Variants in DHX8 observed in about 807,000 individuals in gnomAD.
DHX8 encodes the protein DEAH-box helicase 8.
Under a neutral mutation model 140.7 loss-of-function variants are expected in DHX8, and 67 were observed. The observed-to-expected ratio is 0.48, with a 90% CI of 0.39 to 0.58. DHX8 has a LOEUF of 0.58. Among genes scored for constraint, DHX8 ranks in the 20% least tolerant of loss-of-function variants. The probability of loss-of-function intolerance (pLI) is 0.00; values close to 1 mark genes in which losing one functional copy is unlikely to be tolerated. For synonymous variants in DHX8, 533 were observed against 553.2 expected, an observed-to-expected ratio of 0.96 and a Z score of 0.51; for missense variants, 887 against 1,550.7, an observed-to-expected ratio of 0.57 and a Z score of 7.19.
At chr17:43,508,574 C>A (rs892428921) in intron 16 of DHX8, 54 bp downstream of exon 16, 103 of 1,257,004 alleles carry the variant, frequency 8.2e-5, no homozygotes, top group Non-Finnish European at 1.1e-4. Flanking sequence ...GTGTTGTGTG[C>A]AGCCTGTCAG....
At chr17:43,532,585 T>C in intron 2 of DHX8, 2 of 1,230,762 alleles carry the variant, frequency 1.6e-6, no homozygotes, top group Non-Finnish European at 2.3e-6. Flanking sequence ...TATGAAATGG[T>C]AAACAGCAAT....
At position 43,508,439 on chromosome 17, in the gene DHX8, A is replaced by G; in HGVS notation, c.2421A>G (p.Leu807=). The change falls in exon 16 of 23, where the codon TTA becomes TTG. Residue 807 remains leucine (L), a synonymous_variant. Coordinates refer to ENST00000262415, the MANE Select transcript of DHX8 (RefSeq NM_004941.3). ...MKSLGPDVPE[L]IILPVYSALP... is the part of the protein sequence containing the mutation. ...CCCTGGGACCTGATGTTCCAGAGTT[A>G]ATTATCCTCCCAGTGTACTCTGCTC... is the stretch of plus-strand genomic sequence containing the variant. 1 of 1,613,834 alleles carries G rather than the reference A, an allele frequency of 6.2e-7. No homozygotes were observed. The highest frequency in any genetic ancestry group is 8.5e-7 in the Non-Finnish European group (1 of 1,179,888).
chr17:43,504,713 A>G lies in DHX8; in HGVS notation c.1616A>G (p.Lys539Arg). The change falls in exon 12 of 23, where the codon AAG becomes AGG. Residue 539 changes from lysine (K) to arginine (R), a missense_variant. Physicochemically the swap from Lys to Arg is conservative, Grantham distance 26. Transcript: ENST00000262415. Reference sequence around the variant, plus strand: ...ATGCCCAATGATATTCCTGAGTGGAAGAAGCATGCCTTTGGGGGCAACAAA... The same window carrying G: ...ATGCCCAATGATATTCCTGAGTGGAGGAAGCATGCCTTTGGGGGCAACAAA... ...GMMPNDIPEW[K>R]KHAFGGNKAS... The G allele has an allele frequency of 6.2e-7, 1 of 1,614,194 alleles. No homozygotes were observed. Among genetic ancestry groups the G allele is most frequent in the Non-Finnish European group, 8.5e-7 (1 of 1,180,038 alleles).
intron 2 of DHX8, among the ~76,000 whole-genome samples, chr17:43,534,336 A>C (rs1483282926): frequency 6.6e-6 from 1 of 150,784 alleles, no homozygotes; most frequent in Non-Finnish European, 1.5e-5. Context: ...CTAAAAATAC[A>C]AAAAAAAATT....
intron 3 of DHX8, chr17:43,544,144 T>C (rs1223149222): frequency 3.9e-5 from 6 of 152,220 alleles, no homozygotes; most frequent in Admixed American, 3.9e-4. Flanking sequence ...AAACCACCAT[T>C]TTCCCTCCCA....
Position 43,504,833 on chromosome 17 carries a change from G to A in DHX8, c.1728+8G>A. ...AAGGAGCAATTGGTCCAGGTGAGAA[G>A]ACTTTTATGATGTATTGGTGGGGAG... is the stretch of plus-strand genomic sequence containing the variant. On this transcript the variant is annotated splice_region_variant and intron_variant, in intron 12 of 22. Transcript: ENST00000262415. 2 of 1,610,080 alleles carry A rather than the reference G, an allele frequency of 1.2e-6. No individual in the cohort carries two copies. Among genetic ancestry groups the A allele is most frequent in the South Asian group, 2.2e-5 (2 of 90,492 alleles).
chr17:43,492,142 G>A (rs1423727566), intron 4 of DHX8, 41 bp from the exon 5 acceptor site: 10 of 1,389,020 alleles, frequency 7.2e-6, no homozygotes, highest in Non-Finnish European at 8.2e-6. Flanking sequence ...AGATTCTTGA[G>A]TAGTTTTTTT....
At chr17:43,534,601 G>A (rs1338400775) in intron 2 of DHX8, among the ~76,000 whole-genome samples, 1 of 152,206 alleles carries the variant, frequency 6.6e-6, no homozygotes, top group East Asian at 1.9e-4. Flanking sequence ...TGAGTGCCCT[G>A]GAAAATTCCA....
At chr17:43,495,083 G>A (rs550185491) in intron 8 of DHX8, among the ~76,000 whole-genome samples, 2 of 151,820 alleles carry the variant, frequency 1.3e-5, no homozygotes, top group East Asian at 3.9e-4. Flanking sequence ...CAAAGTGCTG[G>A]GATTACAGGC....
downstream of DHX8, chr17:43,529,912 A>G (rs2154587033): frequency 2.5e-6 from 4 of 1,614,136 alleles, no homozygotes; most frequent in East Asian, 8.9e-5. Context: ...CAACGCAGAC[A>G]TCATCTGGGA....
At position 43,525,395 on chromosome 17, in the gene DHX8, G is replaced by A. The variant is rs187057589; in HGVS notation, c.*1548G>A. 1,132 of 981,608 alleles carry A rather than the reference G, an allele frequency of 1.2e-3. 1 individual carries two copies. Among genetic ancestry groups the A allele is most frequent in the Admixed American group, 4.7e-3 (76 of 16,282 alleles). The allele number at this position is 981,608 out of a possible 1,614,324, so 60.8% of individuals were successfully genotyped here. A position where few individuals can be genotyped will look rare whatever the true frequency, so the allele number is the denominator to read the frequency against. Reference sequence around the variant, plus strand: ...CCACACCCTAAAGACAATTCAGAAAGAGTCCGAGGGAGAGGAATATAGGCC... The same window carrying A: ...CCACACCCTAAAGACAATTCAGAAAAAGTCCGAGGGAGAGGAATATAGGCC... On this transcript the variant is annotated 3_prime_UTR_variant, in exon 23 of 23. Coordinates refer to ENST00000262415, the MANE Select transcript of DHX8 (RefSeq NM_004941.3).
At chr17:43,536,505 T>G in intron 3 of DHX8, 1 of 1,613,154 alleles carries the variant, frequency 6.2e-7, no homozygotes, top group Non-Finnish European at 8.5e-7. Context: ...AGAGGTGAGT[T>G]TGGGGCGGAG....
chr17:43,507,083 G>T lies in DHX8; in HGVS notation c.1809G>T (p.Ala603=). ...CAACACAGATCACCCAGTACCTGGC[G>T]GAGGCAGGCTACACTTCCAGGGGCA... ...GKTTQITQYL[A]EAGYTSRGKI... Residue 603 remains alanine (A), a synonymous_variant, in exon 13 of 23, where the codon GCG becomes GCT. Transcript: ENST00000262415. The T allele has an allele frequency of 6.2e-7, 1 of 1,614,006 alleles. No homozygotes were observed.
chr17:43,537,017 T>C (rs901912531), intron 3 of DHX8, among the ~76,000 whole-genome samples: 4 of 152,204 alleles, frequency 2.6e-5, no homozygotes, highest in Non-Finnish European at 4.4e-5. Context: ...CTCACAACAG[T>C]CATATCTAGG....
At chr17:43,508,813 G>T (rs559765843) in intron 16 of DHX8, among the ~76,000 whole-genome samples, 1 of 151,950 alleles carries the variant, frequency 6.6e-6, no homozygotes, top group Non-Finnish European at 1.5e-5. Context: ...TAGAGACGGG[G>T]TTTCACCGTG....
In DHX8 at chr17:43,490,374, T is replaced by A. The variant is rs968380022; in HGVS notation, c.235-17T>A. On this transcript the variant is annotated splice_polypyrimidine_tract_variant and intron_variant, in intron 2 of 22. Coordinates refer to ENST00000262415, the MANE Select transcript of DHX8 (RefSeq NM_004941.3). ...ATATGGGAGCTGACAATTTTCGTTC[T>A]ATGTTTCTTTTCAAAGGATTCTCTT... 10 of 1,610,424 alleles carry A rather than the reference T, an allele frequency of 6.2e-6. No homozygotes were observed. Among genetic ancestry groups the A allele is most frequent in the Non-Finnish European group, 8.5e-6 (10 of 1,177,814 alleles).
In DHX8 at chr17:43,492,734, G is replaced by A. The variant is rs377681392; in HGVS notation, c.557G>A (p.Arg186Gln). 3.5e-5 allele frequency: 56 copies of A among 1,613,436 alleles called. No homozygotes were observed. Among genetic ancestry groups the A allele is most frequent in the Non-Finnish European group, 4.2e-5 (50 of 1,179,514 alleles). The change falls in exon 6 of 23, where the codon CGA becomes CAA. Residue 186 changes from arginine (R) to glutamine (Q), a missense_variant. Coordinates refer to ENST00000262415, the MANE Select transcript of DHX8 (RefSeq NM_004941.3). ...RSRSRDRNRD[R>Q]DRDRERNRDR... ...CGAAGCCGAGATCGAAACCGAGATCGAGACAGAGATAGGGAACGAAACCGA... is the reference window on the plus strand; with the variant it reads ...CGAAGCCGAGATCGAAACCGAGATCAAGACAGAGATAGGGAACGAAACCGA...
chr17:43,493,622 G>T, intron 7 of DHX8, 33 bp downstream of exon 7: 1 of 1,614,136 alleles, frequency 6.2e-7, no homozygotes, highest in Non-Finnish European at 8.5e-7. Flanking sequence ...TCTTACATGT[G>T]ATGGCCAAGG....
rs1229740753 is a variant in DHX8, at chr17:43,524,279, G to A, written c.*432G>A. On this transcript the variant is annotated 3_prime_UTR_variant, in exon 23 of 23. Coordinates refer to ENST00000262415, the MANE Select transcript of DHX8 (RefSeq NM_004941.3). ...CCCCGTCTCCAGCCCCTGTACTTTG[G>A]CTTGACCTCGTGGAAATATTTATTT... The A allele has an allele frequency of 4.0e-6, 4 of 1,008,774 alleles. No homozygotes were observed. In the East Asian group the frequency reaches 3.1e-4, roughly 78 times the overall value. The allele number at this position is 1,008,774 out of a possible 1,614,324, so 62.5% of individuals were successfully genotyped here.
Sources: gnomAD v4.1 joint callset for allele counts (sites outside exome capture counted in the v4.1 genomes callset) on GRCh38, gnomAD v4.1.1 for gene constraint, MANE v1.5 for transcripts, NCBI Gene and HGNC (gene_info 2026-07-23, HGNC 2026-07-21) for gene names.